Variants in SHISAL1 observed in about 807,000 individuals in gnomAD.
The protein encoded by SHISAL1 is protein shisa-like-1.
In SHISAL1, 9 loss-of-function variants were observed where a neutral mutation model predicts 22.6. The observed-to-expected ratio is 0.40, with a 90% CI of 0.24 to 0.70. The LOEUF (loss-of-function observed/expected upper bound fraction) is 0.70, where lower values mean the gene tolerates loss of function less well. Ranked by LOEUF, SHISAL1 falls within the 30% of genes least tolerant of loss-of-function variation. The probability of loss-of-function intolerance (pLI) is 0.39; values close to 1 mark genes in which losing one functional copy is unlikely to be tolerated. For synonymous variants in SHISAL1, 119 were observed against 115.4 expected (o/e 1.03, Z -0.20); for missense variants, 246 against 270.6 (o/e 0.91, Z 0.64).
At chr22:44,279,583 T>C (rs2055262571) in intron 4 of SHISAL1, among the ~76,000 whole-genome samples, 2 of 151,794 alleles carry the variant, frequency 1.3e-5, no homozygotes, top group South Asian at 4.2e-4. Flanking sequence ...GACGAATGAG[T>C]TTTGCAAAGA....
chr22:44,320,073 A>T, the SHISAL1 span, among the ~76,000 whole-genome samples: 3 of 152,120 alleles, frequency 2.0e-5, no homozygotes, highest in East Asian at 5.8e-4. Context: ...TCCATCATTC[A>T]GGCAAGAAAC....
chr22:44,290,535 A>AAAAAAAAAAAC lies in SHISAL1; in HGVS notation c.282-4791_282-4790insGTTTTTTTTTT, dbSNP rs1456925280. On this transcript the variant is annotated intron_variant, in intron 3 of 4. Transcript: ENST00000381176. ...CAAGAGGGAAACTCAGTCTCAAAAA[A>AAAAAAAAAAAC]AAAAAAAAACAAAAAACGGGAGTAT... 4.0e-5 allele frequency among the ~76,000 whole-genome samples: 6 copies of AAAAAAAAAAAC among 151,492 alleles called. No homozygotes were observed. In the South Asian group the frequency reaches 6.2e-4, roughly 16 times the overall value.
chr22:44,258,478 G>A (rs2055099681), intron 4 of SHISAL1, among the ~76,000 whole-genome samples: 1 of 152,070 alleles, frequency 6.6e-6, no homozygotes, highest in Admixed American at 6.5e-5. Context: ...CCACCTTCCG[G>A]CCTCCAGTGG....
At chr22:44,285,325 G>A in intron 4 of SHISAL1, 103 bp downstream of exon 4, 2 of 1,264,626 alleles carry the variant, frequency 1.6e-6, no homozygotes, top group South Asian at 2.7e-5. Flanking sequence ...AAACAATCAG[G>A]CAACCAATGA....
intron 4 of SHISAL1, among the ~76,000 whole-genome samples, chr22:44,282,850 T>C (rs1233843739): frequency 1.3e-5 from 2 of 152,150 alleles, no homozygotes; most frequent in Non-Finnish European, 2.9e-5. Context: ...CAGAGGGCGT[T>C]TGTAATGGCT....
In SHISAL1 at chr22:44,296,779, G is replaced by A. The variant is rs1253402075; in HGVS notation, c.174C>T (p.Leu58=). 2 of 1,614,086 alleles carry A rather than the reference G, an allele frequency of 1.2e-6. No homozygotes were observed. Among genetic ancestry groups the A allele is most frequent in the Non-Finnish European group, 1.7e-6 (2 of 1,179,986 alleles). ...PRLSDNKTFI[L]CCHHNNTVFK... ...AGACCGTGTTGTTATGGTGACAACA[G>A]AGGATGAAGGTCTTGTTGTCCGAGA... Residue 58 remains leucine (L), a synonymous_variant, in exon 3 of 5, where the codon CTC becomes CTT. Transcript: ENST00000381176.
intron 1 of SHISAL1, among the ~76,000 whole-genome samples, chr22:44,303,032 T>A (rs900338538): frequency 3.9e-5 from 6 of 152,036 alleles, no homozygotes; most frequent in African/African-American, 1.5e-4. Flanking sequence ...ATGATCAACC[T>A]GTCTCCCATA....
the SHISAL1 span, among the ~76,000 whole-genome samples, chr22:44,330,407 G>A: frequency 3.9e-5 from 6 of 152,176 alleles, no homozygotes; most frequent in Admixed American, 1.3e-4. Context: ...TAAGTGACAG[G>A]TGCAATCACT....
chr22:44,285,178 G>C (rs1230249484), intron 4 of SHISAL1, among the ~76,000 whole-genome samples: 1 of 152,046 alleles, frequency 6.6e-6, no homozygotes, highest in East Asian at 1.9e-4. Context: ...TCTCACACTG[G>C]GCTCTAAGCG....
chr22:44,250,914 C>T (rs961846253), intron 4 of SHISAL1, among the ~76,000 whole-genome samples: 6 of 152,224 alleles, frequency 3.9e-5, no homozygotes, highest in Non-Finnish European at 8.8e-5. Flanking sequence ...AAGCCCACCT[C>T]CCCAGAGTGA....
intron 3 of SHISAL1, among the ~76,000 whole-genome samples, chr22:44,290,482 T>A (rs2055344894): frequency 6.7e-6 from 1 of 149,662 alleles, no homozygotes; most frequent in Admixed American, 6.6e-5. Flanking sequence ...TGAGCTGTGA[T>A]TGTGCCATTG....
At chr22:44,303,593 G>T (rs1011809825) in intron 1 of SHISAL1, among the ~76,000 whole-genome samples, 14 of 152,304 alleles carry the variant, frequency 9.2e-5, no homozygotes, top group African/African-American at 3.4e-4. Flanking sequence ...CTGACACCCT[G>T]ACTTGGACTT....
chr22:44,320,584 T>C, the SHISAL1 span, among the ~76,000 whole-genome samples: 151 of 152,366 alleles, frequency 9.9e-4, no homozygotes, highest in African/African-American at 3.6e-3. Context: ...GAACAGATTG[T>C]CCAATTGTTT....
At chr22:44,277,296 T>C (rs2055246547) in intron 4 of SHISAL1, among the ~76,000 whole-genome samples, 1 of 152,176 alleles carries the variant, frequency 6.6e-6, no homozygotes, top group Non-Finnish European at 1.5e-5. Flanking sequence ...AGACAGCACC[T>C]GAGAGGCCAG....
At position 44,246,091 on chromosome 22, in the gene SHISAL1, T is replaced by G. The variant is rs1601769441; in HGVS notation, c.*3594A>C. On this transcript the variant is annotated 3_prime_UTR_variant, in exon 5 of 5. Coordinates refer to ENST00000381176, the MANE Select transcript of SHISAL1 (RefSeq NM_001099294.2). ...TGGCCTGGCCGCTGGAGCAGCCAGG[T>G]GAGGCGGGTGAGAAGGCTGCTTCTC... 6.6e-6 allele frequency: 1 copy of G among 152,134 alleles called. No homozygotes were observed. Among genetic ancestry groups the G allele is most frequent in the South Asian group, 2.1e-4 (1 of 4,824 alleles). The allele number at this position is 152,134 out of a possible 1,614,324, so 9.4% of individuals were successfully genotyped here. A position where few individuals can be genotyped will look rare whatever the true frequency, so the allele number is the denominator to read the frequency against.
At chr22:44,256,000 G>A (rs1379780870) in intron 4 of SHISAL1, among the ~76,000 whole-genome samples, 3 of 152,200 alleles carry the variant, frequency 2.0e-5, no homozygotes, top group Non-Finnish European at 2.9e-5. Context: ...CATCCAACCC[G>A]CTGGAGGCCT....
chr22:44,302,209 G>T (rs1158293464), intron 1 of SHISAL1, among the ~76,000 whole-genome samples: 1 of 152,050 alleles, frequency 6.6e-6, no homozygotes, highest in Non-Finnish European at 1.5e-5. Flanking sequence ...GCATGGTGGT[G>T]CATGTCTGTA....
intron 4 of SHISAL1, among the ~76,000 whole-genome samples, chr22:44,269,508 T>C (rs2055191012): frequency 8.6e-6 from 1 of 116,616 alleles, no homozygotes; most frequent in Admixed American, 9.2e-5. Flanking sequence ...TGCCACACCA[T>C]GCTGCAGACC....
intron 3 of SHISAL1, among the ~76,000 whole-genome samples, chr22:44,294,579 T>C (rs1486418123): frequency 6.6e-6 from 1 of 152,188 alleles, no homozygotes; most frequent in Non-Finnish European, 1.5e-5. Context: ...CTGACAATTC[T>C]AAAGATTGTT....
Sources: allele counts gnomAD v4.1 joint callset (sites outside exome capture counted in the v4.1 genomes callset), GRCh38; gene constraint gnomAD v4.1.1; transcripts MANE v1.5; gene names NCBI Gene and HGNC (gene_info 2026-07-23, HGNC 2026-07-21).